HSPA12A: variants seen among roughly 807,000 people sequenced by gnomAD.
HSPA12A encodes the protein heat shock protein family A (Hsp70) member 12A, also known as heat shock 70 kDa protein 12A.
In HSPA12A, 28 loss-of-function variants were observed where a neutral mutation model predicts 69.2. The ratio of observed to expected loss-of-function variants is 0.40; its 90% CI spans 0.30 to 0.55. The LOEUF (loss-of-function observed/expected upper bound fraction) is 0.55. Ranked by LOEUF, HSPA12A falls within the 20% of genes least tolerant of loss-of-function variation. The probability of loss-of-function intolerance (pLI) is 0.38; values close to 1 mark genes in which losing one functional copy is unlikely to be tolerated. For synonymous variants in HSPA12A, 345 were observed against 370.5 expected, an observed-to-expected ratio of 0.93 and a Z score of 0.79; for missense variants, 686 against 900.7, an observed-to-expected ratio of 0.76 and a Z score of 3.05.
At chr10:116,834,092 T>C (rs562940161) in intron 2 of HSPA12A, among the ~76,000 whole-genome samples, 1 of 152,226 alleles carries the variant, frequency 6.6e-6, no homozygotes, top group Admixed American at 6.5e-5. Context: ...AGCGCTCAGA[T>C]CTCGCCAGGC....
Position 116,696,586 on chromosome 10 carries a change from G to A in HSPA12A, c.546+2049C>T, listed in dbSNP as rs1156495629. Among the ~76,000 whole-genome samples the A allele has an allele frequency of 3.3e-5, 5 of 152,180 alleles. No individual in the cohort carries two copies. In the South Asian group the frequency reaches 6.3e-4, roughly 19 times the overall value. ...TTATAAATTACCCAATCTCAGGTAC[G>A]TCTTTATTAGCAGCATTAGAACAGA... On this transcript the variant is annotated intron_variant, in intron 5 of 11. Transcript: ENST00000369209.
At chr10:116,739,353 A>G (rs1851408054) in intron 1 of HSPA12A, among the ~76,000 whole-genome samples, 2 of 152,226 alleles carry the variant, frequency 1.3e-5, no homozygotes, top group African/African-American at 4.8e-5. Context: ...CCCAGGTTTC[A>G]GCACACACTA....
At chr10:116,708,148 G>A (rs1215518381) in intron 1 of HSPA12A, 2 of 152,150 alleles carry the variant, frequency 1.3e-5, no homozygotes, top group Non-Finnish European at 2.9e-5. Context: ...GCATTGGAAC[G>A]CGCTACAGTG....
chr10:116,759,833 T>C (rs1378765216), intron 2 of HSPA12A, among the ~76,000 whole-genome samples: 2 of 152,104 alleles, frequency 1.3e-5, no homozygotes, highest in Admixed American at 1.3e-4. Flanking sequence ...GTCTTTCCCA[T>C]GTTATTCTCA....
At chr10:116,761,853 C>A (rs1344121072) in intron 2 of HSPA12A, among the ~76,000 whole-genome samples, 3 of 151,866 alleles carry the variant, frequency 2.0e-5, no homozygotes, top group African/African-American at 7.3e-5. Context: ...GAGGGAGAAG[C>A]AGGCAGTGAT....
rs538728214 is a variant in HSPA12A at position 116,775,154 on chromosome 10, G to A, written c.91+59781C>T. ...AGCAGCAATTGCTGCCATTTACCAA[G>A]TGCTGATTCTGTACTAAGAACGTGC... is the stretch of plus-strand genomic sequence containing the variant. On this transcript the variant is annotated intron_variant, in intron 2 of 12. Coordinates refer to the HSPA12A transcript ENST00000635765. Among the ~76,000 whole-genome samples, 13 of 152,368 alleles carry A rather than the reference G, an allele frequency of 8.5e-5. No individual in the cohort carries two copies. The South Asian group carries it at 2.7e-3, about 32-fold the overall frequency.
intron 1 of HSPA12A, among the ~76,000 whole-genome samples, chr10:116,846,993 T>C (rs1845899530): frequency 6.6e-6 from 1 of 152,170 alleles, no homozygotes; most frequent in Non-Finnish European, 1.5e-5. Context: ...AAAACGATTT[T>C]CCCCCTTTGC....
intron 2 of HSPA12A, among the ~76,000 whole-genome samples, chr10:116,807,467 G>A (rs542763749): frequency 8.3e-4 from 126 of 152,100 alleles, no homozygotes; most frequent in Non-Finnish European, 1.4e-3. Context: ...AAACATCCTC[G>A]AGTTAACTGG....
chr10:116,685,179 C>T (rs1554879352), intron 6 of HSPA12A, among the ~76,000 whole-genome samples: 1 of 152,198 alleles, frequency 6.6e-6, no homozygotes, highest in East Asian at 1.9e-4. Flanking sequence ...TATCAGACCC[C>T]TGGGGTTTAG....
chr10:116,750,594 A>C, intron 2 of HSPA12A: 1 of 305,066 alleles, frequency 3.3e-6, no homozygotes, highest in Non-Finnish European at 6.4e-6. Context: ...AAACAGCATA[A>C]CTCCAGGCAT....
chr10:116,826,105 C>T (rs949769981), intron 2 of HSPA12A, among the ~76,000 whole-genome samples: 3 of 152,084 alleles, frequency 2.0e-5, no homozygotes, highest in African/African-American at 7.2e-5. Flanking sequence ...TGCCCCACCC[C>T]CACACACACC....
At chr10:116,774,513 C>T (rs1009489160) in intron 2 of HSPA12A, among the ~76,000 whole-genome samples, 7 of 152,152 alleles carry the variant, frequency 4.6e-5, no homozygotes, top group Non-Finnish European at 1.0e-4. Flanking sequence ...CCAGCAACTG[C>T]ACATCTCACA....
intron 2 of HSPA12A, chr10:116,750,417 C>A: frequency 1.5e-6 from 1 of 667,966 alleles, no homozygotes; most frequent in Non-Finnish European, 2.8e-6. Context: ...GGCTTGTCTA[C>A]CCCTCATGGT....
rs148754211 is a variant in HSPA12A at position 116,755,519 on chromosome 10, C to T, written c.92-48234G>A. 2.8e-4 allele frequency among the ~76,000 whole-genome samples: 41 copies of T among 144,130 alleles called. No homozygotes were observed. The East Asian group carries it at 6.2e-3, about 22-fold the overall frequency. The allele number at this position is 144,130 out of a possible 152,430, so 94.6% of individuals were successfully genotyped here. On this transcript the variant is annotated intron_variant, in intron 2 of 12. Coordinates refer to the HSPA12A transcript ENST00000635765. ...CCCAGATACTTAGGGGGCTGAAGCA[C>T]GAGAATCATTTAAACCCAGCAGGCG...
At chr10:116,786,973 T>C (rs1364696701) in intron 2 of HSPA12A, among the ~76,000 whole-genome samples, 2 of 140,394 alleles carry the variant, frequency 1.4e-5, no homozygotes, top group African/African-American at 5.3e-5. Flanking sequence ...CAATGCCCAA[T>C]CACCTCCCGG....
chr10:116,813,196 C>T (rs533412962), intron 2 of HSPA12A, among the ~76,000 whole-genome samples: 5 of 151,420 alleles, frequency 3.3e-5, no homozygotes, highest in African/African-American at 1.2e-4. Flanking sequence ...GGAATGCAGC[C>T]ACCAGCTCCT....
At chr10:116,804,671 C>G (rs904514289) in intron 2 of HSPA12A, among the ~76,000 whole-genome samples, 1 of 152,170 alleles carries the variant, frequency 6.6e-6, no homozygotes, top group African/African-American at 2.4e-5. Flanking sequence ...TTTTTACAAA[C>G]TCTCCTCCCT....
At chr10:116,839,169 C>G (rs906899684) in intron 1 of HSPA12A, among the ~76,000 whole-genome samples, 14 of 152,122 alleles carry the variant, frequency 9.2e-5, no homozygotes, top group African/African-American at 3.4e-4. Context: ...TTTTATAGCT[C>G]CTGAATTAAT....
At chr10:116,826,401 C>G (rs545882007) in intron 2 of HSPA12A, among the ~76,000 whole-genome samples, 3 of 152,196 alleles carry the variant, frequency 2.0e-5, no homozygotes, top group South Asian at 2.1e-4. Context: ...CTTGAATGAA[C>G]GAATGAATGA....
Sources: gnomAD v4.1 joint callset for allele counts (sites outside exome capture counted in the v4.1 genomes callset) on GRCh38, gnomAD v4.1.1 for gene constraint, MANE v1.5 for transcripts, NCBI Gene and HGNC (gene_info 2026-07-23, HGNC 2026-07-21) for gene names.